Variants in PCSK5 observed in about 807,000 individuals in gnomAD.
The protein encoded by PCSK5 is prohormone convertase 5.
Under a neutral mutation model 233.2 loss-of-function variants are expected in PCSK5, and 129 were observed. That is an observed-to-expected ratio of 0.55 (90% CI 0.48 to 0.64). The LOEUF (loss-of-function observed/expected upper bound fraction) is 0.64, where lower values mean the gene tolerates loss of function less well. Ranked by LOEUF, PCSK5 falls within the 30% of genes least tolerant of loss-of-function variation. The pLI, the probability that PCSK5 is intolerant of heterozygous loss-of-function variation, is 0.00. For missense variants in PCSK5, 2,076 were observed against 2,430.1 expected (o/e 0.85, Z 3.06); for synonymous variants, 825 against 879.2 (o/e 0.94, Z 1.09).
At chr9:76,142,894 T>G (rs1455464291) in intron 10 of PCSK5, among the ~76,000 whole-genome samples, 1 of 152,190 alleles carries the variant, frequency 6.6e-6, no homozygotes, top group African/African-American at 2.4e-5. Flanking sequence ...GTCAGTGATT[T>G]TAGTTGATGG....
chr9:76,108,622 G>A (rs1832078150), intron 9 of PCSK5, among the ~76,000 whole-genome samples: 1 of 152,086 alleles, frequency 6.6e-6, no homozygotes, highest in African/African-American at 2.4e-5. Flanking sequence ...GTGTGGTGGT[G>A]GGCACCTGTA....
At chr9:76,038,575 TTC>T (rs1828963110) in intron 5 of PCSK5, among the ~76,000 whole-genome samples, 1 of 152,242 alleles carries the variant, frequency 6.6e-6, no homozygotes, top group South Asian at 2.1e-4. Flanking sequence ...GATTGTTTTC[TTC>T]TCTTATCCAC....
chr9:76,348,859 A>G (rs1024545183), intron 35 of PCSK5, among the ~76,000 whole-genome samples: 1 of 151,990 alleles, frequency 6.6e-6, no homozygotes, highest in Non-Finnish European at 1.5e-5. Context: ...TATGAGTTCA[A>G]TTGTTTTAGA....
At chr9:76,037,754 G>A (rs962526320) in intron 5 of PCSK5, among the ~76,000 whole-genome samples, 2 of 152,134 alleles carry the variant, frequency 1.3e-5, no homozygotes, top group Non-Finnish European at 2.9e-5. Flanking sequence ...ATGGGATAGT[G>A]AGGTTGTGTC....
At chr9:75,926,044 T>C (rs1823472590) in intron 1 of PCSK5, among the ~76,000 whole-genome samples, 2 of 152,186 alleles carry the variant, frequency 1.3e-5, no homozygotes, top group Admixed American at 1.3e-4. Context: ...CCATCTCACC[T>C]GAGCAGGTAG....
At position 75,938,533 on chromosome 9, in the gene PCSK5, C is replaced by T. The variant is rs374718194; in HGVS notation, c.297+6050C>T. ...GACCCAGACACACGAAGTGAGCACACGCTGTTGGAAAAATGGCACTGACAG... is the reference window on the plus strand; with the variant it reads ...GACCCAGACACACGAAGTGAGCACATGCTGTTGGAAAAATGGCACTGACAG... On this transcript the variant is annotated intron_variant, in intron 2 of 37. Coordinates refer to ENST00000674117, the MANE Select transcript of PCSK5 (RefSeq NM_001372043.1). 8.1e-4 allele frequency among the ~76,000 whole-genome samples: 123 copies of T among 152,276 alleles called. 1 individual carries two copies. The highest frequency in any genetic ancestry group is 2.9e-3 in the African/African-American group (119 of 41,566).
At chr9:76,337,961 C>T (rs1033938875) in intron 34 of PCSK5, among the ~76,000 whole-genome samples, 1 of 152,112 alleles carries the variant, frequency 6.6e-6, no homozygotes, top group African/African-American at 2.4e-5. Flanking sequence ...GGAGGTGCTA[C>T]TAGGTGTTAT....
At position 76,296,662 on chromosome 9, in the gene PCSK5, T is replaced by C. The variant is rs1350403797; in HGVS notation, c.3323-3T>C. ...CATGCTTTCTCTCTGTGTTCTCACATAGGTGGCAGTTGTGTGAGGAAATGT... is the reference window on the plus strand; with the variant it reads ...CATGCTTTCTCTCTGTGTTCTCACACAGGTGGCAGTTGTGTGAGGAAATGT... On this transcript the variant is annotated splice_polypyrimidine_tract_variant and splice_region_variant and intron_variant, in intron 26 of 37. Transcript: ENST00000674117. The C allele has an allele frequency of 1.9e-6, 3 of 1,599,078 alleles. No homozygotes were observed. The highest frequency in any genetic ancestry group is 2.6e-6 in the Non-Finnish European group (3 of 1,167,344).
chr9:76,301,381 G>A (rs990837114), intron 27 of PCSK5, among the ~76,000 whole-genome samples: 4 of 152,062 alleles, frequency 2.6e-5, no homozygotes, highest in Non-Finnish European at 4.4e-5. Flanking sequence ...ATGGTAAGTC[G>A]GGATACCTAA....
chr9:76,222,562 C>T (rs1285774373), intron 20 of PCSK5, among the ~76,000 whole-genome samples: 2 of 152,180 alleles, frequency 1.3e-5, no homozygotes, highest in Non-Finnish European at 2.9e-5. Context: ...ACTTTTACTA[C>T]TCCAGTTACC....
At chr9:76,193,461 C>CTTTT (rs1564097958) in intron 20 of PCSK5, 1 of 784,538 alleles carries the variant, frequency 1.3e-6, no homozygotes, top group African/African-American at 1.8e-5. Context: ...CTCTCTCTTT[C>CTTTT]TTTTCTTGCT....
intron 5 of PCSK5, among the ~76,000 whole-genome samples, chr9:76,041,529 C>T (rs1298918786): frequency 2.0e-5 from 3 of 152,148 alleles, no homozygotes; most frequent in African/African-American, 7.2e-5. Flanking sequence ...TGACTATGTC[C>T]AAACTCTTTA....
intron 1 of PCSK5, among the ~76,000 whole-genome samples, chr9:75,929,644 G>A (rs1289889390): frequency 1.3e-5 from 2 of 151,660 alleles, no homozygotes; most frequent in Non-Finnish European, 1.5e-5. Flanking sequence ...GGCCATCATA[G>A]CTAGTGTATT....
At position 75,902,214 on chromosome 9, in the gene PCSK5, T is replaced by TAA. The variant is rs200579439; in HGVS notation, c.192+10869_192+10870dup. Among the ~76,000 whole-genome samples the TAA allele has an allele frequency of 3.8e-3, 205 of 53,270 alleles. 7 individuals carry two copies. The highest frequency in any genetic ancestry group is 0.014 in the African/African-American group (173 of 12,528). The allele number at this position is 53,270 out of a possible 152,430, so 34.9% of individuals were successfully genotyped here. ...CTGGGTGACAGAGTGAGACACCATC[T>TAA]AAAAAAAAAAAAAAAAAAAAAAAAA... On this transcript the variant is annotated intron_variant, in intron 1 of 37. Transcript: ENST00000674117.
chr9:76,012,396 C>T (rs1387333916), intron 3 of PCSK5, among the ~76,000 whole-genome samples: 2 of 152,120 alleles, frequency 1.3e-5, no homozygotes, highest in African/African-American at 4.8e-5. Flanking sequence ...GGCTTTATCC[C>T]CAGTGGACAT....
chr9:76,272,773 CAAAAAAAAAAAAAA>C (rs71372058), intron 24 of PCSK5, among the ~76,000 whole-genome samples: 5 of 49,952 alleles, frequency 1.0e-4, no homozygotes, highest in Admixed American at 3.7e-4. Context: ...GACTCCATCT[CAAAAAAAAAAAAAA>C]AAAAAAAAAA....
chr9:76,160,991 C>T (rs1415790127), intron 12 of PCSK5, among the ~76,000 whole-genome samples: 1 of 152,172 alleles, frequency 6.6e-6, no homozygotes, highest in East Asian at 1.9e-4. Context: ...CCAGGCTGGT[C>T]TTGAACTCCC....
chr9:76,061,373 C>T (rs927903888), intron 5 of PCSK5, among the ~76,000 whole-genome samples: 4 of 152,034 alleles, frequency 2.6e-5, no homozygotes, highest in Admixed American at 2.0e-4. Context: ...ACTAATTACC[C>T]ACATATATTT....
At chr9:75,957,137 G>A (rs1476406157) in intron 2 of PCSK5, among the ~76,000 whole-genome samples, 1 of 152,126 alleles carries the variant, frequency 6.6e-6, no homozygotes, top group African/African-American at 2.4e-5. Flanking sequence ...CATGAGATTT[G>A]CTGTATACCC....
Sources: gnomAD v4.1 joint callset for allele counts (sites outside exome capture counted in the v4.1 genomes callset) on GRCh38, gnomAD v4.1.1 for gene constraint, MANE v1.5 for transcripts, NCBI Gene and HGNC (gene_info 2026-07-23, HGNC 2026-07-21) for gene names.